Variants in PAICS observed in about 807,000 individuals in gnomAD.
PAICS encodes the protein phosphoribosylaminoimidazole carboxylase and phosphoribosylaminoimidazolesuccinocarboxamide synthase, also known as bifunctional phosphoribosylaminoimidazole carboxylase/phosphoribosylaminoimidazole succinocarboxamide synthetase.
A neutral mutation model predicts 53.7 loss-of-function variants in PAICS; 33 were observed. That is an observed-to-expected ratio of 0.61 (90% confidence interval 0.47 to 0.82). The LOEUF (loss-of-function observed/expected upper bound fraction) is 0.82, where lower values mean the gene tolerates loss of function less well. Ranked by LOEUF, PAICS falls within the 40% of genes least tolerant of loss-of-function variation. The probability of loss-of-function intolerance (pLI) is 0.00; values close to 1 mark genes in which losing one functional copy is unlikely to be tolerated. For synonymous variants in PAICS, 141 were observed against 167.2 expected (o/e 0.84, Z 1.21); for missense variants, 394 against 494.1 (o/e 0.80, Z 1.92).
At chr4:56,413,845 C>CAAG in the PAICS span, among the ~76,000 whole-genome samples, 2 of 151,956 alleles carry the variant, frequency 1.3e-5, no homozygotes, top group Admixed American at 6.6e-5. Context: ...TGCAGTGAGC[C>CAAG]AAGATCACAC....
At chr4:56,425,484 A>G in the PAICS span, 11 of 466,828 alleles carry the variant, frequency 2.4e-5, no homozygotes, top group Non-Finnish European at 3.1e-5. Flanking sequence ...AATACAGGCA[A>G]CTTGTTTATT....
chr4:56,459,415 A>G lies in PAICS; in HGVS notation c.1155A>G (p.Gln385=). 1.2e-6 allele frequency: 2 copies of G among 1,607,420 alleles called. No homozygotes were observed. The highest frequency in any genetic ancestry group is 2.2e-5 in the East Asian group (1 of 44,720). The change falls in exon 9 of 9, where the codon CAA becomes CAG. Residue 385 remains glutamine (Q), a synonymous_variant. Transcript: ENST00000512576. ...STVLSPEGSA[Q]FAAQIFGLSN... is the part of the protein sequence containing the mutation. ...TACTTTCTCCAGAAGGATCAGCTCA[A>G]TTTGCTGCTCAGATATTTGGGTTAA...
At chr4:56,436,637 A>G in intron 1 of PAICS, 4 of 642,748 alleles carry the variant, frequency 6.2e-6, no homozygotes, top group Non-Finnish European at 1.1e-5. Context: ...TCAAAACCTG[A>G]GTCTTGCTTT....
chr4:56,434,153 G>C (rs1424705035), upstream of PAICS, among the ~76,000 whole-genome samples: 2 of 152,252 alleles, frequency 1.3e-5, no homozygotes, highest in East Asian at 3.9e-4. Context: ...TTGGAGCTAC[G>C]CAAGTTAAAA....
At chr4:56,456,501 C>G (rs576319463) in intron 8 of PAICS, among the ~76,000 whole-genome samples, 1 of 152,092 alleles carries the variant, frequency 6.6e-6, no homozygotes, top group African/African-American at 2.4e-5. Flanking sequence ...TTGAACTCCC[C>G]GGGCTCATGT....
intron 1 of PAICS, among the ~76,000 whole-genome samples, chr4:56,437,082 C>G (rs1160474873): frequency 4.1e-5 from 6 of 146,460 alleles, no homozygotes; most frequent in African/African-American, 1.5e-4. Context: ...TGCACGCGCG[C>G]GTGAAGTAGT....
At chr4:56,435,868 T>A (rs1717895470), upstream of PAICS, 2 of 1,484,120 alleles carry the variant, frequency 1.3e-6, no homozygotes, top group African/African-American at 2.8e-5. Flanking sequence ...CATTTCTCTT[T>A]CAGAGCATTT....
At chr4:56,435,826 C>T, upstream of PAICS, 3 of 1,506,838 alleles carry the variant, frequency 2.0e-6, no homozygotes, top group Non-Finnish European at 2.7e-6. Flanking sequence ...CAGCACCCAA[C>T]AGTAGCGTAA....
intron 8 of PAICS, among the ~76,000 whole-genome samples, chr4:56,454,991 C>T (rs902141400): frequency 6.6e-6 from 1 of 152,060 alleles, no homozygotes; most frequent in Non-Finnish European, 1.5e-5. Context: ...AACCCCATCT[C>T]TACTAAAAAT....
intron 8 of PAICS, among the ~76,000 whole-genome samples, chr4:56,454,541 C>T (rs996588713): frequency 9.9e-5 from 15 of 152,126 alleles, no homozygotes; most frequent in African/African-American, 3.6e-4. Flanking sequence ...ATTGTCTCAT[C>T]TGTTTGTTCA....
chr4:56,435,082 T>C (rs1717824303), upstream of PAICS, among the ~76,000 whole-genome samples: 1 of 151,990 alleles, frequency 6.6e-6, no homozygotes, highest in African/African-American at 2.4e-5. Context: ...AGCCTCTGGA[T>C]GGGTGCACAC....
At chr4:56,429,009 A>G in the PAICS span, 433 of 959,574 alleles carry the variant, frequency 4.5e-4, no homozygotes, top group Non-Finnish European at 5.0e-4. Context: ...GAAGATGGTA[A>G]GAGCCAGAGA....
At chr4:56,454,534 G>C (rs898291848) in intron 8 of PAICS, among the ~76,000 whole-genome samples, 5 of 152,080 alleles carry the variant, frequency 3.3e-5, no homozygotes, top group Non-Finnish European at 7.4e-5. Context: ...TTTTCTAATT[G>C]TCTCATCTGT....
the PAICS span, among the ~76,000 whole-genome samples, chr4:56,425,663 G>T: frequency 6.6e-6 from 1 of 152,140 alleles, no homozygotes; most frequent in Non-Finnish European, 1.5e-5. Flanking sequence ...GTGTTAATGA[G>T]GCTACTCTAG....
chr4:56,453,528 CAAAAAA>C, intron 7 of PAICS, 69 bp from the exon 8 acceptor site: 1 of 879,814 alleles, frequency 1.1e-6, no homozygotes, highest in Non-Finnish European at 1.6e-6. Flanking sequence ...GGCCTTAAAC[CAAAAAA>C]AAAAAAAAAC....
intron 1 of PAICS, among the ~76,000 whole-genome samples, chr4:56,438,641 G>T (rs1718177623): frequency 6.6e-6 from 1 of 151,704 alleles, no homozygotes. Context: ...GTTTTGCCAT[G>T]TTGGCCAAGC....
chr4:56,413,112 C>G, the PAICS span, among the ~76,000 whole-genome samples: 1 of 151,770 alleles, frequency 6.6e-6, no homozygotes, highest in South Asian at 2.1e-4. Context: ...GATATAATTA[C>G]TTTGGTTTTT....
chr4:56,437,047 T>C, intron 1 of PAICS, among the ~76,000 whole-genome samples: 1 of 151,896 alleles, frequency 6.6e-6, no homozygotes, highest in East Asian at 1.9e-4. Flanking sequence ...AAGTAGTCTT[T>C]GATGCCATGG....
chr4:56,434,402 C>T (rs1717783173), upstream of PAICS, among the ~76,000 whole-genome samples: 1 of 152,174 alleles, frequency 6.6e-6, no homozygotes, highest in South Asian at 2.1e-4. Flanking sequence ...ACTGTATTGC[C>T]TTATGGAAAC....
Sources: gnomAD v4.1 joint callset for allele counts (sites outside exome capture counted in the v4.1 genomes callset) on GRCh38, gnomAD v4.1.1 for gene constraint, MANE v1.5 for transcripts, NCBI Gene and HGNC (gene_info 2026-07-23, HGNC 2026-07-21) for gene names.